The following MYL7 variants were observed in gnomAD, a reference collection of about 807,000 sequenced individuals.
The protein encoded by MYL7 is myosin light chain 7, also known as myosin regulatory light chain 2, atrial isoform.
A neutral mutation model predicts 22.5 loss-of-function variants in MYL7; 27 were observed. The observed-to-expected ratio is 1.20, with a 90% CI of 0.89 to 1.66. The LOEUF (loss-of-function observed/expected upper bound fraction) is 1.66, where lower values mean the gene tolerates loss of function less well. Among genes scored for constraint, MYL7 ranks in the 40% most tolerant of loss-of-function variants. The pLI is 0.00. For missense variants in MYL7, 209 were observed against 226.8 expected, an observed-to-expected ratio of 0.92 and a Z score of 0.50; for synonymous variants, 81 against 84.4, an observed-to-expected ratio of 0.96 and a Z score of 0.22.
chr7:44,139,384 C>A (rs775577381), intron 6 of MYL7, 137 bp downstream of exon 6: 1 of 986,572 alleles, frequency 1.0e-6, no homozygotes, highest in Admixed American at 1.7e-5. Flanking sequence ...TAGGTCTCAA[C>A]AGAGATGGCA....
rs767471827 is a variant in MYL7 at position 44,141,182 on chromosome 7, A to G, written c.4-108T>C. ...CATTCCCAGGAGAGCCAGGGCCAGG[A>G]TCCTCTTCCTCTCCCTGGGGACCAC... On this transcript the variant is annotated intron_variant, in intron 1 of 6. Coordinates refer to ENST00000223364, the MANE Select transcript of MYL7 (RefSeq NM_021223.3). The G allele has an allele frequency of 6.4e-6, 10 of 1,569,750 alleles. No homozygotes were observed. The South Asian group carries it at 1.1e-4, about 17-fold the overall frequency.
intron 1 of MYL7, 41 bp downstream of exon 1, chr7:44,141,262 C>T (rs1393512877): frequency 1.2e-6 from 2 of 1,614,080 alleles, no homozygotes; most frequent in East Asian, 2.2e-5. Context: ...AAGGCCAGCA[C>T]CTGGGAGACC....
chr7:44,139,346 T>C (rs1232733164), intron 6 of MYL7, 175 bp downstream of exon 6: 9 of 808,244 alleles, frequency 1.1e-5, no homozygotes, highest in African/African-American at 1.7e-5. Flanking sequence ...CACCCTGCCC[T>C]CTTTTCTGAC....
chr7:44,140,500 C>T, intron 3 of MYL7, 73 bp from the exon 4 acceptor site: 2 of 1,377,490 alleles, frequency 1.5e-6, no homozygotes, highest in East Asian at 4.6e-5. Flanking sequence ...CGCCCTCCCT[C>T]CATCCTGGCC....
At chr7:44,140,915 G>A (rs202000781) in intron 2 of MYL7, 46 bp downstream of exon 2, 15 of 1,546,314 alleles carry the variant, frequency 9.7e-6, no homozygotes, top group African/African-American at 4.1e-5. Context: ...GGGGTGGGGT[G>A]GGGGGGCCAG....
At chr7:44,139,149 C>A in intron 6 of MYL7, 127 bp from the exon 7 acceptor site, 1 of 701,302 alleles carries the variant, frequency 1.4e-6, no homozygotes, top group Admixed American at 2.4e-5. Context: ...CTTTTCAACC[C>A]TAGACCCCAG....
chr7:44,140,348 G>A lies in MYL7; in HGVS notation c.273C>T (p.Leu91=), dbSNP rs767246348. The change falls in exon 4 of 7, where the codon CTC becomes CTT. Residue 91 remains leucine, a synonymous_variant. Transcript: ENST00000223364. ...CATTGAGCTTCTCCCCAAAGAGCGTGAGGAAGACGGTGAAGTTGATGGGGC... is the reference window on the plus strand; with the variant it reads ...CATTGAGCTTCTCCCCAAAGAGCGTAAGGAAGACGGTGAAGTTGATGGGGC... ...GKGPINFTVF[L]TLFGEKLNGT... is the part of the protein sequence containing the mutation. 3.1e-6 allele frequency: 5 copies of A among 1,614,050 alleles called. No homozygotes were observed. Among genetic ancestry groups the A allele is most frequent in the Non-Finnish European group, 4.2e-6 (5 of 1,179,978 alleles).
At chr7:44,140,080 G>T (rs1381703750) in intron 4 of MYL7, among the ~76,000 whole-genome samples, 1 of 152,044 alleles carries the variant, frequency 6.6e-6, no homozygotes, top group Non-Finnish European at 1.5e-5. Flanking sequence ...GGGGCTGAAG[G>T]CACATTTCCT....
chr7:44,139,817 A>T lies in MYL7; in HGVS notation c.342T>A (p.Phe114Leu). Reference sequence around the variant, plus strand: ...TCACCACCCCTTTGCCGCTGGGGTCAAACATGCGGAAGGCACTCAGGATGG... The same window carrying T: ...TCACCACCCCTTTGCCGCTGGGGTCTAACATGCGGAAGGCACTCAGGATGG... The part of the protein sequence containing the change: ...EEAILSAFRM[F>L]DPSGKGVVNK... The change falls in exon 5 of 7, where the codon TTT becomes TTA. Residue 114 changes from phenylalanine to leucine, a missense_variant. Coordinates refer to ENST00000223364, the MANE Select transcript of MYL7 (RefSeq NM_021223.3). 6.2e-7 allele frequency: 1 copy of T among 1,612,144 alleles called. No individual in the cohort carries two copies. The highest frequency in any genetic ancestry group is 8.5e-7 in the Non-Finnish European group (1 of 1,179,602).
intron 2 of MYL7, 74 bp from the exon 3 acceptor site, chr7:44,140,861 G>A: frequency 6.3e-7 from 1 of 1,593,790 alleles, no homozygotes; most frequent in Non-Finnish European, 8.5e-7. Context: ...AGAGACCTGG[G>A]TGGTGTGAGA....
At chr7:44,141,102 C>G in intron 1 of MYL7, 28 bp from the exon 2 acceptor site, 1 of 1,606,782 alleles carries the variant, frequency 6.2e-7, no homozygotes, top group South Asian at 1.1e-5. Flanking sequence ...GGGAGGGGTC[C>G]TCTCCCCAAC....
intron 3 of MYL7, 46 bp from the exon 4 acceptor site, chr7:44,140,473 C>A (rs750433248): frequency 7.2e-7 from 1 of 1,382,524 alleles, no homozygotes; most frequent in Non-Finnish European, 9.6e-7. Context: ...CCTGGGTGTC[C>A]CCCAGAAGGC....
chr7:44,138,916 G>T lies in MYL7; in HGVS notation c.*5C>A, dbSNP rs770732373. The T allele has an allele frequency of 1.4e-5, 22 of 1,612,344 alleles. No homozygotes were observed. Among genetic ancestry groups the T allele is most frequent in the Non-Finnish European group, 1.7e-5 (20 of 1,178,500 alleles). On this transcript the variant is annotated 3_prime_UTR_variant, in exon 7 of 7. Coordinates refer to ENST00000223364, the MANE Select transcript of MYL7 (RefSeq NM_021223.3). Reference sequence around the variant, plus strand: ...GGTGCCCCCCCGTGGGCCTGGCCCTGCCCCTCATTCCTCTTTCTCGTCTCC... The same window carrying T: ...GGTGCCCCCCCGTGGGCCTGGCCCTTCCCCTCATTCCTCTTTCTCGTCTCC...
intron 5 of MYL7, 54 bp downstream of exon 5, chr7:44,139,728 C>G (rs2096262979): frequency 6.2e-7 from 1 of 1,603,860 alleles, no homozygotes; most frequent in Non-Finnish European, 8.5e-7. Flanking sequence ...AGGGGCCTCA[C>G]CCCGCTCTCT....
rs147701378 is a variant in MYL7 at position 44,141,045 on chromosome 7, C to A, written c.33G>T (p.Lys11Asn). The A allele has an allele frequency of 2.3e-4, 366 of 1,614,016 alleles. No homozygotes were observed. The highest frequency in any genetic ancestry group is 1.8e-3 in the Middle Eastern group (11 of 6,058). MASRKAGTRGKVAATKQAQRG... is the reference protein window; with the variant it reads MASRKAGTRGNVAATKQAQRG... ...GTTGGGCCTGCTTGGTGGCTGCCAC[C>A]TTGCCCCGGGTCCCCGCCTTCCTGC... The change falls in exon 2 of 7, where the codon AAG becomes AAT. Residue 11 changes from lysine (K) to asparagine (N), a missense_variant. Physicochemically the swap from Lys to Asn is moderately conservative, Grantham distance 94 (BLOSUM62 0). Coordinates refer to ENST00000223364, the MANE Select transcript of MYL7 (RefSeq NM_021223.3).
At chr7:44,139,291 C>T in intron 6 of MYL7, 1 of 675,092 alleles carries the variant, frequency 1.5e-6, no homozygotes, top group Non-Finnish European at 2.6e-6. Flanking sequence ...AAACCTCTCC[C>T]TATCCACTTC....
chr7:44,140,441 G>A lies in MYL7; in HGVS notation c.194-14C>T. On this transcript the variant is annotated splice_polypyrimidine_tract_variant and intron_variant, in intron 3 of 6. Coordinates refer to ENST00000223364, the MANE Select transcript of MYL7 (RefSeq NM_021223.3). ...CACTCACCTTCCCTGGTGGGGGTGG[G>A]GCATGAGGTGCACACAGGGACCCTG... 6.2e-7 allele frequency: 1 copy of A among 1,606,212 alleles called. No individual in the cohort carries two copies. Among genetic ancestry groups the A allele is most frequent in the South Asian group, 1.1e-5 (1 of 90,840 alleles).
rs971955703 is a variant in MYL7 at position 44,139,648 on chromosome 7, G to A, written c.378-79C>T. ...GAAGGTGGGTACGGAGGCTCCCATG[G>A]CGCAGGGAAGGGTTGGCTGCACCCC... is the stretch of plus-strand genomic sequence containing the variant. On this transcript the variant is annotated intron_variant, in intron 5 of 6. Coordinates refer to ENST00000223364, the MANE Select transcript of MYL7 (RefSeq NM_021223.3). The A allele has an allele frequency of 8.3e-6, 13 of 1,572,118 alleles. No homozygotes were observed. In the African/African-American group the frequency reaches 1.8e-4, roughly 21 times the overall value.
Position 44,141,289 on chromosome 7 carries a change from C to A in MYL7, c.3+14G>T. The A allele has an allele frequency of 6.2e-7, 1 of 1,614,046 alleles. No individual in the cohort carries two copies. The highest frequency in any genetic ancestry group is 8.5e-7 in the Non-Finnish European group (1 of 1,179,958). Reference sequence around the variant, plus strand: ...TGGGAGACCGCTAGCCTTTCTTCCCCAGCAGGCACTCACCATTCTCTCTGC... The same window carrying A: ...TGGGAGACCGCTAGCCTTTCTTCCCAAGCAGGCACTCACCATTCTCTCTGC... On this transcript the variant is annotated intron_variant, in intron 1 of 6. Coordinates refer to ENST00000223364, the MANE Select transcript of MYL7 (RefSeq NM_021223.3).
Sources: gnomAD v4.1 joint callset for allele counts (sites outside exome capture counted in the v4.1 genomes callset) on GRCh38, gnomAD v4.1.1 for gene constraint, MANE v1.5 for transcripts, NCBI Gene and HGNC (gene_info 2026-07-23, HGNC 2026-07-21) for gene names.